Variants in SBF2 observed in about 807,000 individuals in gnomAD.
SBF2 encodes the protein myotubularin-related protein 13.
Under a neutral mutation model 225.2 loss-of-function variants are expected in SBF2, and 112 were observed. The observed-to-expected ratio is 0.50, with a 90% CI of 0.43 to 0.58. SBF2 has a LOEUF of 0.58. SBF2 is among the 20% of genes least tolerant of loss of function. The pLI is 0.00. For missense variants in SBF2, 1,996 were observed against 2,206.2 expected, an observed-to-expected ratio of 0.90 and a Z score of 1.91; for synonymous variants, 763 against 773.3, an observed-to-expected ratio of 0.99 and a Z score of 0.22.
chr11:10,294,403 C>T (rs907155502), upstream of SBF2, among the ~76,000 whole-genome samples: 19 of 152,296 alleles, frequency 1.2e-4, no homozygotes, highest in African/African-American at 4.6e-4. Context: ...GGAGGTGGTT[C>T]ACTTTGAGGC....
chr11:10,176,357 A>C (rs1181207904), intron 2 of SBF2, among the ~76,000 whole-genome samples: 17 of 151,970 alleles, frequency 1.1e-4, no homozygotes, highest in African/African-American at 4.1e-4. Flanking sequence ...GAACTGAAGG[A>C]AATAGAGACA....
intron 1 of SBF2, among the ~76,000 whole-genome samples, chr11:10,245,394 C>G (rs768810698): frequency 2.6e-5 from 4 of 152,028 alleles, no homozygotes; most frequent in Non-Finnish European, 5.9e-5. Context: ...TGCACTCCAG[C>G]CTGGGCAACA....
chr11:10,197,618 T>C (rs945132646), intron 1 of SBF2, among the ~76,000 whole-genome samples: 19 of 152,200 alleles, frequency 1.2e-4, no homozygotes, highest in Admixed American at 3.9e-4. Flanking sequence ...ACAGTGAAGT[T>C]TGCCATATCG....
intron 2 of SBF2, among the ~76,000 whole-genome samples, chr11:10,066,474 T>G (rs1417649071): frequency 1.3e-5 from 2 of 152,092 alleles, no homozygotes; most frequent in Non-Finnish European, 2.9e-5. Context: ...ATCAACAGAA[T>G]TCATTTTAAC....
At chr11:10,162,088 A>T (rs963004517) in intron 2 of SBF2, among the ~76,000 whole-genome samples, 1 of 152,098 alleles carries the variant, frequency 6.6e-6, no homozygotes, top group Non-Finnish European at 1.5e-5. Context: ...GATAAGAGTG[A>T]TATCCTATAT....
rs559852006 is a variant in SBF2, at chr11:9,786,554, C to A, written c.5037+1080G>T. 3.7e-4 allele frequency among the ~76,000 whole-genome samples: 56 copies of A among 152,258 alleles called. No homozygotes were observed. The South Asian group carries it at 0.011, about 29-fold the overall frequency. On this transcript the variant is annotated intron_variant, in intron 36 of 39. Transcript: ENST00000256190. ...CAAAGGTTTTCTTCTACCCTCCATTCTTCTTGACCTTTCTGTAACATCTGA... is the reference window on the plus strand; with the variant it reads ...CAAAGGTTTTCTTCTACCCTCCATTATTCTTGACCTTTCTGTAACATCTGA...
chr11:9,945,433 T>C (rs542998542), intron 16 of SBF2, among the ~76,000 whole-genome samples: 29 of 152,246 alleles, frequency 1.9e-4, no homozygotes, highest in Non-Finnish European at 3.4e-4. Context: ...TTTCACTATA[T>C]ACAAAAATAA....
At chr11:9,787,998 G>A (rs779167319) in intron 35 of SBF2, 3 of 499,020 alleles carry the variant, frequency 6.0e-6, no homozygotes, top group Non-Finnish European at 1.1e-5. Flanking sequence ...ATACTAGGAT[G>A]TGAAATATGT....
Position 9,856,478 on chromosome 11 carries a change from G to A in SBF2, c.2343C>T (p.Ser781=), listed in dbSNP as rs772052955. 1 of 1,614,048 alleles carries A rather than the reference G, an allele frequency of 6.2e-7. No individual in the cohort carries two copies. The highest frequency in any genetic ancestry group is 1.1e-5 in the South Asian group (1 of 91,070). Residue 781 remains serine (S), a synonymous_variant, in exon 19 of 40, where the codon AGC becomes AGT. Transcript: ENST00000256190. ...GGTACCTGTTTGTGACAATGCTGTTGCTTCCGCTCTCCCAGTCACCTGGCG... is the reference window on the plus strand; with the variant it reads ...GGTACCTGTTTGTGACAATGCTGTTACTTCCGCTCTCCCAGTCACCTGGCG... ...TSAPGDWESG[S]NSIVTNSIAG...
chr11:9,971,752 T>C (rs961888423), intron 13 of SBF2, among the ~76,000 whole-genome samples: 2 of 152,204 alleles, frequency 1.3e-5, no homozygotes, highest in Non-Finnish European at 2.9e-5. Flanking sequence ...GAGTTGGTCC[T>C]ATAATTTGGT....
At chr11:10,217,282 C>G (rs187707112) in intron 1 of SBF2, among the ~76,000 whole-genome samples, 1 of 152,238 alleles carries the variant, frequency 6.6e-6, no homozygotes, top group Admixed American at 6.5e-5. Context: ...ACCAACAGAA[C>G]AAAAACTGAC....
chr11:9,890,970 C>T (rs186031429), intron 17 of SBF2, among the ~76,000 whole-genome samples: 95 of 151,914 alleles, frequency 6.3e-4, no homozygotes, highest in African/African-American at 2.2e-3. Context: ...CCCATCTCTA[C>T]GGTAAAAATG....
Position 10,199,957 on chromosome 11 carries a change from A to G in SBF2, c.56-5970T>C, listed in dbSNP as rs536666742. Among the ~76,000 whole-genome samples the G allele has an allele frequency of 4.2e-4, 64 of 152,224 alleles. 1 individual carries two copies. Among genetic ancestry groups the G allele is most frequent in the Non-Finnish European group, 7.2e-4 (49 of 68,038 alleles). The stretch of plus-strand genomic sequence containing the variant: ...TGTTCCAACAATCCCACTTCTGGGT[A>G]TATTTCCAAAGGAATTAAAAGCAGG... On this transcript the variant is annotated intron_variant, in intron 1 of 39. Coordinates refer to ENST00000256190, the MANE Select transcript of SBF2 (RefSeq NM_030962.4).
intron 25 of SBF2, among the ~76,000 whole-genome samples, chr11:9,840,261 A>AAAC (rs1554919867): frequency 1.1e-4 from 16 of 152,028 alleles, no homozygotes; most frequent in Non-Finnish European, 1.6e-4. Flanking sequence ...GCAAAAAAAA[A>AAAC]AAAAAACAAA....
chr11:10,229,679 A>C (rs1958741697), intron 1 of SBF2, among the ~76,000 whole-genome samples: 2 of 152,244 alleles, frequency 1.3e-5, no homozygotes, highest in East Asian at 1.9e-4. Flanking sequence ...TCTGAGAGAT[A>C]GTTTCTGATA....
chr11:10,232,100 T>G (rs1327473979), intron 1 of SBF2, among the ~76,000 whole-genome samples: 2 of 152,212 alleles, frequency 1.3e-5, no homozygotes, highest in Admixed American at 1.3e-4. Context: ...CATAGGACCC[T>G]CCGAGCCAGG....
chr11:9,962,025 G>T lies in SBF2; in HGVS notation c.1792C>A (p.Gln598Lys). The T allele has an allele frequency of 1.2e-6, 2 of 1,613,978 alleles. No individual in the cohort carries two copies. The highest frequency in any genetic ancestry group is 4.5e-5 in the East Asian group (2 of 44,870). ...LTDELGLHVQ[Q>K]NRAILDHQQF... ...TGATGGTCTAATATTGCCCGGTTTTGCTGGACATGCAAACCCAATTCATCA... is the reference window on the plus strand; with the variant it reads ...TGATGGTCTAATATTGCCCGGTTTTTCTGGACATGCAAACCCAATTCATCA... Residue 598 changes from glutamine to lysine, a missense_variant, in exon 16 of 40, where the codon CAA becomes AAA. Gln to Lys is a moderately conservative substitution (Grantham distance 53). Transcript: ENST00000256190.
chr11:10,259,441 C>G (rs2135508578), intron 1 of SBF2, among the ~76,000 whole-genome samples: 1 of 152,238 alleles, frequency 6.6e-6, no homozygotes, highest in East Asian at 1.9e-4. Flanking sequence ...TTTCTTTTCT[C>G]TCACTCAACA....
chr11:9,824,707 G>A (rs1258271711), intron 28 of SBF2, among the ~76,000 whole-genome samples: 1 of 152,154 alleles, frequency 6.6e-6, no homozygotes, highest in African/African-American at 2.4e-5. Context: ...ACATGGTGAC[G>A]TGTACAATGG....
Sources: allele counts gnomAD v4.1 joint callset (sites outside exome capture counted in the v4.1 genomes callset), GRCh38; gene constraint gnomAD v4.1.1; transcripts MANE v1.5; gene names NCBI Gene and HGNC (gene_info 2026-07-23, HGNC 2026-07-21).